Variants in ADAMTS20 observed in about 807,000 individuals in gnomAD.
The protein encoded by ADAMTS20 is ADAM metallopeptidase with thrombospondin type 1 motif 20.
A neutral mutation model predicts 260.1 loss-of-function variants in ADAMTS20; 225 were observed. The ratio of observed to expected loss-of-function variants is 0.87; its 90% CI spans 0.78 to 0.97. The LOEUF is 0.97. Among genes scored for constraint, ADAMTS20 ranks in the 50% least tolerant of loss-of-function variants. The pLI, the probability that ADAMTS20 is intolerant of heterozygous loss-of-function variation, is 0.00. For synonymous variants in ADAMTS20, 802 were observed against 769.5 expected, an observed-to-expected ratio of 1.04 and a Z score of -0.70; for missense variants, 2,400 against 2,337.7, an observed-to-expected ratio of 1.03 and a Z score of -0.55.
Position 43,456,433 on chromosome 12 carries a change from C to T in ADAMTS20, c.1615-2381G>A, listed in dbSNP as rs149050553. Among the ~76,000 whole-genome samples, 1,117 of 152,192 alleles carry T rather than the reference C, an allele frequency of 7.3e-3. 17 individuals carry two copies. The highest frequency in any genetic ancestry group is 0.026 in the African/African-American group (1,089 of 41,514). ...CTGCTCTGCTTCTCCTTGAAAGAGT[C>T]GGCCATGTACATTCTTTAACTCCCT... On this transcript the variant is annotated intron_variant, in intron 11 of 38. Transcript: ENST00000389420.
At chr12:43,498,362 A>G (rs540862430) in intron 4 of ADAMTS20, among the ~76,000 whole-genome samples, 1 of 152,224 alleles carries the variant, frequency 6.6e-6, no homozygotes, top group Admixed American at 6.5e-5. Flanking sequence ...ATGAGTAAGG[A>G]TAGATAATCC....
At chr12:43,445,835 G>C (rs1941750395) in intron 15 of ADAMTS20, among the ~76,000 whole-genome samples, 1 of 152,116 alleles carries the variant, frequency 6.6e-6, no homozygotes, top group Admixed American at 6.6e-5. Flanking sequence ...CTGGGCAACA[G>C]AGTAGCACCC....
At chr12:43,515,827 C>T (rs1942992681) in intron 3 of ADAMTS20, among the ~76,000 whole-genome samples, 1 of 152,114 alleles carries the variant, frequency 6.6e-6, no homozygotes, top group Non-Finnish European at 1.5e-5. Flanking sequence ...AAAAATCAAA[C>T]TTTAAAATTG....
chr12:43,395,136 A>C (rs1195950712), intron 29 of ADAMTS20, among the ~76,000 whole-genome samples: 2 of 152,108 alleles, frequency 1.3e-5, no homozygotes, highest in African/African-American at 4.8e-5. Context: ...TGAAAAATAG[A>C]ATTTCACTAT....
chr12:43,361,622 T>C (rs143169560), intron 37 of ADAMTS20, among the ~76,000 whole-genome samples: 18 of 152,316 alleles, frequency 1.2e-4, no homozygotes, highest in African/African-American at 4.3e-4. Flanking sequence ...GCAATCGCAG[T>C]TTATAGCTAT....
At chr12:43,445,987 A>G (rs967000047) in intron 15 of ADAMTS20, among the ~76,000 whole-genome samples, 2 of 152,220 alleles carry the variant, frequency 1.3e-5, no homozygotes, top group Admixed American at 1.3e-4. Context: ...TACTTTACAT[A>G]GTCTCATGAT....
At chr12:43,368,460 C>T (rs1429318886) in intron 37 of ADAMTS20, among the ~76,000 whole-genome samples, 2 of 152,042 alleles carry the variant, frequency 1.3e-5, no homozygotes, top group Admixed American at 1.3e-4. Flanking sequence ...AGTTCTCTAA[C>T]AGAAAATGTC....
chr12:43,431,220 TA>T, intron 22 of ADAMTS20, 111 bp downstream of exon 22: 1 of 1,153,314 alleles, frequency 8.7e-7, no homozygotes, highest in African/African-American at 1.6e-5. Context: ...TGTTTTTTAA[TA>T]AACCAAGCCA....
At chr12:43,412,237 G>T (rs1941045625) in intron 28 of ADAMTS20, among the ~76,000 whole-genome samples, 1 of 152,100 alleles carries the variant, frequency 6.6e-6, no homozygotes, top group Non-Finnish European at 1.5e-5. Context: ...GCTTCAAATT[G>T]TCTAACATTT....
intron 3 of ADAMTS20, among the ~76,000 whole-genome samples, chr12:43,503,442 T>C (rs937446848): frequency 1.3e-5 from 2 of 152,108 alleles, no homozygotes; most frequent in Non-Finnish European, 2.9e-5. Flanking sequence ...AAATAATTCA[T>C]TTTAAGTACG....
chr12:43,509,826 C>A (rs1478052527), intron 3 of ADAMTS20, among the ~76,000 whole-genome samples: 2 of 151,984 alleles, frequency 1.3e-5, no homozygotes, highest in Non-Finnish European at 2.9e-5. Flanking sequence ...TAGTAATATA[C>A]CAAACTGACT....
chr12:43,420,402 CTTAA>C (rs1473260020), intron 28 of ADAMTS20, among the ~76,000 whole-genome samples: 1 of 152,120 alleles, frequency 6.6e-6, no homozygotes, highest in Admixed American at 6.5e-5. Context: ...TAGTTAAATA[CTTAA>C]TTGTTATGAG....
chr12:43,460,663 A>T (rs1942042761), intron 11 of ADAMTS20, among the ~76,000 whole-genome samples: 1 of 152,070 alleles, frequency 6.6e-6, no homozygotes, highest in South Asian at 2.1e-4. Flanking sequence ...TAATAACCAA[A>T]CACAAGAAAT....
At chr12:43,397,650 GT>G (rs1473617179) in intron 29 of ADAMTS20, among the ~76,000 whole-genome samples, 7 of 152,084 alleles carry the variant, frequency 4.6e-5, no homozygotes, top group Admixed American at 4.6e-4. Context: ...AATAAAACAA[GT>G]TAATAGAGAA....
At chr12:43,431,750 C>G (rs1011912996) in intron 21 of ADAMTS20, among the ~76,000 whole-genome samples, 1 of 152,106 alleles carries the variant, frequency 6.6e-6, no homozygotes, top group Non-Finnish European at 1.5e-5. Context: ...AGTATTCATC[C>G]CAGGCTGCTG....
chr12:43,407,583 A>T (rs536141151), intron 28 of ADAMTS20, among the ~76,000 whole-genome samples: 2 of 152,114 alleles, frequency 1.3e-5, no homozygotes, highest in Non-Finnish European at 1.5e-5. Flanking sequence ...TAACTTATGC[A>T]AGTATCTTGT....
intron 3 of ADAMTS20, among the ~76,000 whole-genome samples, chr12:43,510,375 T>C (rs566849464): frequency 6.6e-6 from 1 of 152,050 alleles, no homozygotes; most frequent in African/African-American, 2.4e-5. Context: ...ATTACTGTAA[T>C]TTTAAATTTA....
At chr12:43,469,238 TA>T (rs1942208264) in intron 7 of ADAMTS20, among the ~76,000 whole-genome samples, 2 of 152,110 alleles carry the variant, frequency 1.3e-5, no homozygotes, top group South Asian at 4.1e-4. Context: ...TTAAATAAAA[TA>T]AAACGAGTTT....
At chr12:43,479,686 G>T (rs1407637406) in intron 7 of ADAMTS20, among the ~76,000 whole-genome samples, 7 of 151,928 alleles carry the variant, frequency 4.6e-5, no homozygotes, top group African/African-American at 1.7e-4. Context: ...ACAAAAAAGT[G>T]ATACCTTAAA....
Sources: allele counts gnomAD v4.1 joint callset (sites outside exome capture counted in the v4.1 genomes callset), GRCh38; gene constraint gnomAD v4.1.1; transcripts MANE v1.5; gene names NCBI Gene and HGNC (gene_info 2026-07-23, HGNC 2026-07-21).